Variants in CDC73 observed in about 807,000 individuals in gnomAD.
CDC73 encodes the protein cell division cycle 73.
Under a neutral mutation model 83.7 loss-of-function variants are expected in CDC73, and 21 were observed. The ratio of observed to expected loss-of-function variants is 0.25; its 90% CI spans 0.18 to 0.36. The LOEUF is 0.36. Ranked by LOEUF, CDC73 falls within the 10% of genes least tolerant of loss-of-function variation. The probability of loss-of-function intolerance (pLI) is 1.00; values close to 1 mark genes in which losing one functional copy is unlikely to be tolerated. For synonymous variants in CDC73, 224 were observed against 212.9 expected, an observed-to-expected ratio of 1.05 and a Z score of -0.45; for missense variants, 342 against 653.3, an observed-to-expected ratio of 0.52 and a Z score of 5.19.
intron 15 of CDC73, among the ~76,000 whole-genome samples, chr1:193,239,775 T>C (rs992379441): frequency 1.3e-5 from 2 of 152,184 alleles, no homozygotes; most frequent in Admixed American, 6.5e-5. Flanking sequence ...TCTAGCTGTT[T>C]AGAAATATAT....
intron 13 of CDC73, among the ~76,000 whole-genome samples, chr1:193,226,758 G>T (rs1677573410): frequency 1.3e-5 from 2 of 152,100 alleles, no homozygotes; most frequent in African/African-American, 4.8e-5. Flanking sequence ...GTGTTCATCA[G>T]GGATGTTGGT....
chr1:193,230,457 ATTTTTTTTTTTTTTT>A (rs752027731), intron 13 of CDC73, among the ~76,000 whole-genome samples: 3 of 90,724 alleles, frequency 3.3e-5, no homozygotes, highest in South Asian at 3.2e-4. Flanking sequence ...CTAATCCCGT[ATTTTTTTTTTTTTTT>A]TTTTTTTTTT....
chr1:193,249,645 C>A, intron 15 of CDC73, 85 bp from the exon 16 acceptor site: 2 of 988,496 alleles, frequency 2.0e-6, no homozygotes, highest in Non-Finnish European at 3.2e-6. Context: ...AGTTATAATA[C>A]GGCTTCAGTT....
intron 10 of CDC73, among the ~76,000 whole-genome samples, chr1:193,175,152 A>G (rs565103726): frequency 6.6e-6 from 1 of 152,260 alleles, no homozygotes; most frequent in Admixed American, 6.5e-5. Flanking sequence ...GGTATATAGT[A>G]CCTTGAGAAG....
intron 13 of CDC73, among the ~76,000 whole-genome samples, chr1:193,229,197 A>T (rs1051564371): frequency 3.9e-5 from 6 of 152,254 alleles, no homozygotes; most frequent in African/African-American, 1.4e-4. Flanking sequence ...TACATACCCC[A>T]TGATTCACTT....
chr1:193,135,317 G>A lies in CDC73; in HGVS notation c.308-74G>A, dbSNP rs886988441. The A allele has an allele frequency of 7.2e-6, 9 of 1,246,950 alleles. No homozygotes were observed. The African/African-American group carries it at 7.5e-5, about 10-fold the overall frequency. 77.2% of individuals were successfully genotyped at this position (1,246,950 alleles called of 1,614,324 possible). A position where few individuals can be genotyped will look rare whatever the true frequency, so the allele number is the denominator to read the frequency against. On this transcript the variant is annotated intron_variant, in intron 3 of 16. Coordinates refer to ENST00000367435, the MANE Select transcript of CDC73 (RefSeq NM_024529.5). Reference sequence around the variant, plus strand: ...TATAGAAGTATATAAAAAACCTAAAGCATTTCACTTGTAATAATATCCAAT... The same window carrying A: ...TATAGAAGTATATAAAAAACCTAAAACATTTCACTTGTAATAATATCCAAT...
At chr1:193,164,189 C>T (rs1419211211) in intron 10 of CDC73, among the ~76,000 whole-genome samples, 1 of 152,180 alleles carries the variant, frequency 6.6e-6, no homozygotes, top group African/African-American at 2.4e-5. Flanking sequence ...TACATAGTAA[C>T]TGGTTCTAAG....
intron 3 of CDC73, 48 bp from the exon 4 acceptor site, chr1:193,135,343 A>G (rs1341332702): frequency 2.9e-6 from 4 of 1,370,212 alleles, no homozygotes; most frequent in African/African-American, 1.4e-5. Context: ...AATATCCAAT[A>G]TATATGTTGA....
chr1:193,132,047 C>G (rs1675705075), intron 3 of CDC73, among the ~76,000 whole-genome samples: 1 of 152,146 alleles, frequency 6.6e-6, no homozygotes, highest in Admixed American at 6.6e-5. Flanking sequence ...ATGGTAGGTT[C>G]TTAACTGAAT....
At chr1:193,221,900 A>G (rs1677476952) in intron 13 of CDC73, among the ~76,000 whole-genome samples, 2 of 152,168 alleles carry the variant, frequency 1.3e-5, no homozygotes, top group South Asian at 4.1e-4. Context: ...AACCTCCTCC[A>G]CACAATTATG....
intron 10 of CDC73, among the ~76,000 whole-genome samples, chr1:193,169,119 C>T (rs1208680695): frequency 6.6e-6 from 1 of 152,100 alleles, no homozygotes; most frequent in East Asian, 1.9e-4. Flanking sequence ...ATTTCTAATT[C>T]AAGTAATTAG....
At chr1:193,209,270 C>T (rs1301555227) in intron 11 of CDC73, among the ~76,000 whole-genome samples, 3 of 152,116 alleles carry the variant, frequency 2.0e-5, no homozygotes, top group African/African-American at 7.2e-5. Context: ...GCTTGAGTAG[C>T]GGTAGTAGTA....
At chr1:193,159,006 C>T (rs1399995533) in intron 10 of CDC73, among the ~76,000 whole-genome samples, 4 of 152,120 alleles carry the variant, frequency 2.6e-5, no homozygotes, top group African/African-American at 7.2e-5. Flanking sequence ...GAAGCCATCA[C>T]GTAAGTGAAT....
chr1:193,248,779 C>T (rs927078000), intron 15 of CDC73, among the ~76,000 whole-genome samples: 2 of 151,984 alleles, frequency 1.3e-5, no homozygotes, highest in Non-Finnish European at 2.9e-5. Context: ...AGAAGTGGAG[C>T]TTGAAGATGT....
chr1:193,196,747 C>T (rs932271433), intron 10 of CDC73, among the ~76,000 whole-genome samples: 1 of 151,956 alleles, frequency 6.6e-6, no homozygotes, highest in African/African-American at 2.4e-5. Flanking sequence ...ACTTTTTGGA[C>T]CATCTATTGT....
At chr1:193,178,267 C>T (rs547224253) in intron 10 of CDC73, among the ~76,000 whole-genome samples, 1 of 151,902 alleles carries the variant, frequency 6.6e-6, no homozygotes, top group African/African-American at 2.4e-5. Context: ...AGATTACTAT[C>T]GTTTTTCAAG....
intron 8 of CDC73, among the ~76,000 whole-genome samples, chr1:193,148,831 G>A (rs907005102): frequency 3.3e-5 from 5 of 151,310 alleles, no homozygotes; most frequent in Non-Finnish European, 5.9e-5. Context: ...TTTTAGTAGA[G>A]ATGGGGTTTC....
chr1:193,189,134 A>G (rs1201640801), intron 10 of CDC73, among the ~76,000 whole-genome samples: 1 of 151,938 alleles, frequency 6.6e-6, no homozygotes, highest in Non-Finnish European at 1.5e-5. Context: ...TTGTATTTTT[A>G]CTAGAAGTGA....
At chr1:193,177,591 G>A (rs1676631261) in intron 10 of CDC73, among the ~76,000 whole-genome samples, 1 of 151,450 alleles carries the variant, frequency 6.6e-6, no homozygotes, top group South Asian at 2.1e-4. Flanking sequence ...TACTAGCTGT[G>A]TGATCTTAGG....
Sources: gnomAD v4.1 joint callset for allele counts (sites outside exome capture counted in the v4.1 genomes callset) on GRCh38, gnomAD v4.1.1 for gene constraint, MANE v1.5 for transcripts, NCBI Gene and HGNC (gene_info 2026-07-23, HGNC 2026-07-21) for gene names.